EPB41: variants seen among roughly 807,000 people sequenced by gnomAD.
EPB41 encodes protein 4.1.
Under a neutral mutation model 108.0 loss-of-function variants are expected in EPB41, and 65 were observed. That is an observed-to-expected ratio of 0.60 (90% confidence interval 0.49 to 0.74). EPB41 has a LOEUF of 0.74. Among genes scored for constraint, EPB41 ranks in the 30% least tolerant of loss-of-function variants. The pLI is 0.00. For synonymous variants in EPB41, 336 were observed against 358.9 expected, an observed-to-expected ratio of 0.94 and a Z score of 0.72; for missense variants, 875 against 1,037.0, an observed-to-expected ratio of 0.84 and a Z score of 2.15.
At chr1:28,922,587 C>T (rs1279346209) in intron 1 of EPB41, among the ~76,000 whole-genome samples, 2 of 151,030 alleles carry the variant, frequency 1.3e-5, no homozygotes, top group East Asian at 1.9e-4. Flanking sequence ...TGCATGCCAC[C>T]GTGCCCCGCC....
At chr1:29,004,656 A>G (rs2096366864) in intron 4 of EPB41, among the ~76,000 whole-genome samples, 1 of 152,224 alleles carries the variant, frequency 6.6e-6, no homozygotes, top group South Asian at 2.1e-4. Flanking sequence ...GTCTTTTGCT[A>G]CAGAGATTTG....
At chr1:29,031,529 C>T (rs570531650) in intron 8 of EPB41, among the ~76,000 whole-genome samples, 104 of 152,300 alleles carry the variant, frequency 6.8e-4, no homozygotes, top group Admixed American at 1.1e-3. Context: ...CAACATTTAA[C>T]ATCACCTAGG....
At chr1:29,081,724 ACTCGGGAGG>A (rs564596750) in intron 16 of EPB41, among the ~76,000 whole-genome samples, 9 of 151,768 alleles carry the variant, frequency 5.9e-5, no homozygotes, top group African/African-American at 2.2e-4. Flanking sequence ...AATCCCAGCT[ACTCGGGAGG>A]CTCAGGCAGG....
At chr1:29,052,109 G>C (rs1356366790) in intron 11 of EPB41, among the ~76,000 whole-genome samples, 2 of 152,166 alleles carry the variant, frequency 1.3e-5, no homozygotes, top group Non-Finnish European at 2.9e-5. Context: ...CTAAAACTTA[G>C]ATACCAAATA....
intron 1 of EPB41, among the ~76,000 whole-genome samples, chr1:28,965,764 C>A (rs1282333780): frequency 2.0e-5 from 3 of 152,118 alleles, no homozygotes. Context: ...TTCAGTGTTA[C>A]CTTTGTTAGA....
At chr1:28,985,346 G>A (rs2095850453) in intron 1 of EPB41, among the ~76,000 whole-genome samples, 1 of 152,102 alleles carries the variant, frequency 6.6e-6, no homozygotes, top group Admixed American at 6.6e-5. Context: ...ATATGTCAAG[G>A]TTCATGTCCT....
intron 1 of EPB41, among the ~76,000 whole-genome samples, chr1:28,892,446 G>T (rs2090219857): frequency 6.6e-6 from 1 of 152,148 alleles, no homozygotes; most frequent in Admixed American, 6.6e-5. Flanking sequence ...ACGAGGCCAG[G>T]CGTGGTGGCT....
chr1:29,068,672 T>A (rs1649676932), intron 16 of EPB41: 1 of 1,055,682 alleles, frequency 9.5e-7, no homozygotes, highest in African/African-American at 1.6e-5. Context: ...TCTTCCACCT[T>A]TGACGGTATT....
intron 1 of EPB41, among the ~76,000 whole-genome samples, chr1:28,943,138 A>C (rs2094359912): frequency 6.6e-6 from 1 of 152,260 alleles, no homozygotes; most frequent in Non-Finnish European, 1.5e-5. Flanking sequence ...GTGGGTTTCA[A>C]CTCTGGCCAG....
chr1:28,897,711 G>A (rs2090869209), intron 1 of EPB41, among the ~76,000 whole-genome samples: 2 of 150,820 alleles, frequency 1.3e-5, no homozygotes, highest in Admixed American at 6.6e-5. Flanking sequence ...AAAGAAAGAA[G>A]GCACTCCCAT....
intron 1 of EPB41, among the ~76,000 whole-genome samples, chr1:28,960,509 C>G (rs1399386089): frequency 2.8e-5 from 4 of 141,364 alleles, no homozygotes; most frequent in African/African-American, 1.1e-4. Context: ...GGGAGGATCA[C>G]TTGAGCGCAG....
intron 1 of EPB41, among the ~76,000 whole-genome samples, chr1:28,952,696 G>A (rs1039455726): frequency 2.6e-5 from 4 of 152,094 alleles, no homozygotes; most frequent in Non-Finnish European, 5.9e-5. Context: ...ATGGTGTTAG[G>A]TTATCAATTA....
intron 1 of EPB41, among the ~76,000 whole-genome samples, chr1:28,930,700 G>T (rs895031925): frequency 1.1e-4 from 17 of 151,898 alleles, no homozygotes; most frequent in African/African-American, 3.9e-4. Flanking sequence ...GGCCAGGCTG[G>T]TCTCGAACTC....
At chr1:28,911,276 C>T (rs1269056616), upstream of EPB41, 3 of 604,382 alleles carry the variant, frequency 5.0e-6, no homozygotes, top group Non-Finnish European at 6.2e-6. Flanking sequence ...GTTTACAAAG[C>T]CCTTTCATCT....
intron 7 of EPB41, among the ~76,000 whole-genome samples, chr1:29,019,197 C>T (rs1356112614): frequency 1.3e-5 from 2 of 152,164 alleles, no homozygotes; most frequent in South Asian, 4.1e-4. Flanking sequence ...AGGAGGATAA[C>T]TTGAACCCGA....
At chr1:29,037,667 G>C (rs1640010785) in intron 10 of EPB41, among the ~76,000 whole-genome samples, 2 of 151,268 alleles carry the variant, frequency 1.3e-5, no homozygotes, top group Admixed American at 1.3e-4. Context: ...CTCCCAAGTA[G>C]CTGGGACTAT....
At chr1:28,936,039 T>C (rs1447585848) in intron 1 of EPB41, among the ~76,000 whole-genome samples, 2 of 152,234 alleles carry the variant, frequency 1.3e-5, no homozygotes, top group Non-Finnish European at 2.9e-5. Context: ...TCTCATATCC[T>C]TCTTACGCTG....
At chr1:28,897,365 A>G (rs963270859) in intron 1 of EPB41, among the ~76,000 whole-genome samples, 1 of 151,954 alleles carries the variant, frequency 6.6e-6, no homozygotes, top group Non-Finnish European at 1.5e-5. Context: ...CCTAGGGAAC[A>G]TGGAGCAACC....
chr1:28,968,188 C>T (rs2095409140), intron 1 of EPB41, among the ~76,000 whole-genome samples: 1 of 151,922 alleles, frequency 6.6e-6, no homozygotes, highest in Admixed American at 6.6e-5. Context: ...GAAACCCTGT[C>T]TCTACTAAAA....
Sources: allele counts gnomAD v4.1 joint callset (sites outside exome capture counted in the v4.1 genomes callset), GRCh38; gene constraint gnomAD v4.1.1; transcripts MANE v1.5; gene names NCBI Gene and HGNC (gene_info 2026-07-23, HGNC 2026-07-21).